The following PTPRF variants were observed in gnomAD, a reference collection of about 807,000 sequenced individuals.
The protein encoded by PTPRF is protein tyrosine phosphatase receptor type F.
Under a neutral mutation model 201.8 loss-of-function variants are expected in PTPRF, and 59 were observed. That is an observed-to-expected ratio of 0.29 (90% CI 0.24 to 0.36). The LOEUF is 0.36. Among genes scored for constraint, PTPRF ranks in the 10% least tolerant of loss-of-function variants. The pLI is 1.00. For missense variants in PTPRF, 2,132 were observed against 2,690.5 expected (o/e 0.79, Z 4.59); for synonymous variants, 1,088 against 1,089.7 (o/e 1.00, Z 0.03).
At chr1:43,587,732 CACACCCTG>C (rs1367736548) in intron 7 of PTPRF, among the ~76,000 whole-genome samples, 6 of 152,206 alleles carry the variant, frequency 3.9e-5, no homozygotes, top group African/African-American at 1.4e-4. Context: ...CCGTGTAGGA[CACACCCTG>C]GCCTCTGCTC....
intron 9 of PTPRF, 42 bp from the exon 10 acceptor site, chr1:43,591,770 T>C: frequency 6.2e-7 from 1 of 1,609,000 alleles, no homozygotes; most frequent in Non-Finnish European, 8.5e-7. Context: ...ACCCCTGACC[T>C]CACGCAGATG....
At chr1:43,527,722 A>G (rs1436263005), upstream of PTPRF, among the ~76,000 whole-genome samples, 1 of 152,156 alleles carries the variant, frequency 6.6e-6, no homozygotes, top group African/African-American at 2.4e-5. Flanking sequence ...AGCCTTGACA[A>G]TGCGGGGCAG....
rs573761255 is a variant in PTPRF at position 43,591,476 on chromosome 1, G to A, written c.1454G>A (p.Ser485Asn). The change falls in exon 9 of 34, where the codon AGC becomes AAC. Residue 485 changes from serine to asparagine, a missense_variant. By Grantham distance (46) the Ser-to-Asn change is conservative (BLOSUM62 1). Around this residue, in one of 6 missense-constraint regions of PTPRF, gnomAD observed 351 missense variants for 401.7 expected, o/e 0.87. Transcript: ENST00000359947. ...AGCCTGCTGCCTGGCATCACCTACA[G>A]CCTGCGCGTGCTTGCCTTCACCGCC... ...VGSLLPGITY[S>N]LRVLAFTAVG... is the part of the protein sequence containing the mutation. 1.3e-6 allele frequency: 2 copies of A among 1,598,218 alleles called. No homozygotes were observed. Among genetic ancestry groups the A allele is most frequent in the African/African-American group, 2.7e-5 (2 of 74,938 alleles).
At chr1:43,579,436 TC>T (rs1647169041) in intron 7 of PTPRF, 1 of 351,168 alleles carries the variant, frequency 2.8e-6, no homozygotes, top group Non-Finnish European at 5.6e-6. Flanking sequence ...GGCCAGGTCT[TC>T]CTGGAGCCTT....
In PTPRF at chr1:43,619,457, G is replaced by A; in HGVS notation, c.4816G>A (p.Glu1606Lys). The A allele has an allele frequency of 6.2e-7, 1 of 1,614,102 alleles. No individual in the cohort carries two copies. The highest frequency in any genetic ancestry group is 1.1e-5 in the South Asian group (1 of 91,088). ...CGTGTTCATCCATGAGGCGCTGCTG[G>A]AGGCTGCCACGTGCGGCCACACAGA... is the stretch of plus-strand genomic sequence containing the variant. ...QYVFIHEALLEAATCGHTEVP... is the reference protein window; with the variant it reads ...QYVFIHEALLKAATCGHTEVP... The change falls in exon 28 of 34, where the codon GAG (glutamate) becomes AAG (lysine). Residue 1606 changes from glutamate (E) to lysine (K), a missense_variant. Around this residue, in one of 6 missense-constraint regions of PTPRF, gnomAD observed 519 missense variants for 659.5 expected, o/e 0.79. Transcript: ENST00000359947.
At chr1:43,615,524 T>TCAGCCAGG (rs1657548560) in intron 23 of PTPRF, among the ~76,000 whole-genome samples, 2 of 139,464 alleles carry the variant, frequency 1.4e-5, no homozygotes, top group African/African-American at 5.3e-5. Flanking sequence ...GGGCTCTCCC[T>TCAGCCAGG]CAGCCAGGAC....
At chr1:43,589,411 A>G (rs551072389) in intron 8 of PTPRF, among the ~76,000 whole-genome samples, 13 of 140,810 alleles carry the variant, frequency 9.2e-5, no homozygotes, top group African/African-American at 2.4e-4. Flanking sequence ...GTCTGAATCC[A>G]TATCTCACCC....
At chr1:43,581,534 C>T (rs983842106) in intron 7 of PTPRF, among the ~76,000 whole-genome samples, 2 of 152,232 alleles carry the variant, frequency 1.3e-5, no homozygotes, top group African/African-American at 2.4e-5. Context: ...CCTGAAAGGC[C>T]CTGCTCCCTG....
Position 43,622,565 on chromosome 1 carries a change from G to A in PTPRF, c.*562G>A, listed in dbSNP as rs1340690769. The A allele has an allele frequency of 6.6e-6, 1 of 152,638 alleles. No homozygotes were observed. Among genetic ancestry groups the A allele is most frequent in the Non-Finnish European group, 1.5e-5 (1 of 68,280 alleles). 9.5% of individuals were successfully genotyped at this position (152,638 alleles called of 1,614,324 possible). ...CCAGCCTGAGCGGAGGCTCGGCCGT[G>A]GGCCGGGAGGCAGTGCTGATCCGGC... On this transcript the variant is annotated 3_prime_UTR_variant, in exon 34 of 34. Transcript: ENST00000359947.
At chr1:43,600,366 A>G (rs1360330092) in intron 13 of PTPRF, among the ~76,000 whole-genome samples, 2 of 152,154 alleles carry the variant, frequency 1.3e-5, no homozygotes, top group Non-Finnish European at 2.9e-5. Context: ...CCAGAGGCTC[A>G]GGGACGCTGC....
chr1:43,605,452 A>G lies in PTPRF; in HGVS notation c.3389+9A>G, dbSNP rs375149563. 22 of 1,610,092 alleles carry G rather than the reference A, an allele frequency of 1.4e-5. No individual in the cohort carries two copies. The highest frequency in any genetic ancestry group is 4.0e-5 in the African/African-American group (3 of 74,850). ...GACCCCTCGCTTGTCAGGTGTGCAC[A>G]CGAGGTATCGGGGGAGGCGGGGCAG... On this transcript the variant is annotated intron_variant, in intron 18 of 33. Transcript: ENST00000359947.
chr1:43,562,998 T>C (rs530590650), intron 5 of PTPRF, among the ~76,000 whole-genome samples: 8 of 151,590 alleles, frequency 5.3e-5, no homozygotes, highest in African/African-American at 1.9e-4. Flanking sequence ...GCCAACATAG[T>C]GAAACCCCGT....
chr1:43,602,248 A>C, intron 14 of PTPRF, 151 bp downstream of exon 14: 1 of 926,436 alleles, frequency 1.1e-6, no homozygotes, highest in East Asian at 2.5e-5. Flanking sequence ...AGACACAAGC[A>C]CTGAGCTGAG....
chr1:43,591,583 A>G (rs1419787151), intron 9 of PTPRF, 30 bp downstream of exon 9: 2 of 1,527,296 alleles, frequency 1.3e-6, no homozygotes, highest in South Asian at 1.2e-5. Flanking sequence ...CTGGGCAGCC[A>G]ACAGCAGAGA....
chr1:43,534,092 T>C (rs1413522402), intron 1 of PTPRF, among the ~76,000 whole-genome samples: 1 of 151,824 alleles, frequency 6.6e-6, no homozygotes, highest in Non-Finnish European at 1.5e-5. Flanking sequence ...TGAACTAGGT[T>C]TGGAGGGATG....
intron 22 of PTPRF, chr1:43,613,390 C>G: frequency 3.9e-6 from 2 of 510,632 alleles, no homozygotes; most frequent in South Asian, 4.1e-5. Flanking sequence ...CCACTCAGCA[C>G]CCCGCCACCA....
At chr1:43,598,084 G>A in intron 12 of PTPRF, 31 bp downstream of exon 12, 5 of 1,449,284 alleles carry the variant, frequency 3.4e-6, no homozygotes, top group South Asian at 1.4e-5. Flanking sequence ...GGGAGGGGAG[G>A]CGTTCTGCCT....
At chr1:43,527,725 C>T (rs1302570789), upstream of PTPRF, among the ~76,000 whole-genome samples, 4 of 152,130 alleles carry the variant, frequency 2.6e-5, no homozygotes, top group Non-Finnish European at 4.4e-5. Context: ...CTTGACAATG[C>T]GGGGCAGAGG....
At position 43,546,135 on chromosome 1, in the gene PTPRF, C is replaced by T. The variant is rs776553695; in HGVS notation, c.91+969C>T. ...GCCATAGGGCTCCCCCACCTGCCTC[C>T]GTATCTCTGGGTACAGATCTCTCCC... On this transcript the variant is annotated intron_variant, in intron 3 of 33. Transcript: ENST00000359947. The surrounding 1 kb of genome is among the most constrained non-coding windows in gnomAD (Gnocchi z 4.2). 2.0e-5 allele frequency among the ~76,000 whole-genome samples: 3 copies of T among 152,212 alleles called. No homozygotes were observed. The highest frequency in any genetic ancestry group is 2.9e-5 in the Non-Finnish European group (2 of 68,034).
Sources: allele counts gnomAD v4.1 joint callset (sites outside exome capture counted in the v4.1 genomes callset), GRCh38; gene constraint gnomAD v4.1.1; regional missense constraint gnomAD v4.1.1; non-coding constraint Gnocchi (gnomAD v3.1); transcripts MANE v1.5; gene names NCBI Gene and HGNC (gene_info 2026-07-23, HGNC 2026-07-21).